HABP4: variants seen among roughly 807,000 people sequenced by gnomAD.
The protein encoded by HABP4 is hyaluronan binding protein 4.
Under a neutral mutation model 44.1 loss-of-function variants are expected in HABP4, and 32 were observed. That is an observed-to-expected ratio of 0.73 (90% confidence interval 0.55 to 0.97). The LOEUF is 0.97. Among genes scored for constraint, HABP4 ranks in the 50% least tolerant of loss-of-function variants. HABP4 has a pLI of 0.00. For synonymous variants in HABP4, 216 were observed against 218.0 expected, an observed-to-expected ratio of 0.99 and a Z score of 0.08; for missense variants, 503 against 561.9, an observed-to-expected ratio of 0.90 and a Z score of 1.06.
intron 1 of HABP4, chr9:96,451,537 T>A: frequency 1.1e-6 from 1 of 904,888 alleles, no homozygotes; most frequent in Non-Finnish European, 1.3e-6. Context: ...CCTGCCGACG[T>A]TTGCCAGTGT....
chr9:96,462,543 CAG>C (rs986429614), intron 2 of HABP4, among the ~76,000 whole-genome samples: 1 of 150,850 alleles, frequency 6.6e-6, no homozygotes, highest in Non-Finnish European at 1.5e-5. Context: ...ATCTGGGAGT[CAG>C]AGGCTGCAGT....
intron 1 of HABP4, among the ~76,000 whole-genome samples, chr9:96,453,214 G>A (rs1030867505): frequency 3.3e-5 from 5 of 150,244 alleles, no homozygotes; most frequent in Admixed American, 2.0e-4. Context: ...CTACAGGCAT[G>A]CGCCACCATG....
intron 1 of HABP4, among the ~76,000 whole-genome samples, chr9:96,452,421 TG>T (rs1252305030): frequency 5.3e-5 from 8 of 152,264 alleles, no homozygotes; most frequent in African/African-American, 1.9e-4. Context: ...TATACATAAA[TG>T]CACAGAGCTA....
chr9:96,481,514 A>AGGAG (rs2131154066), intron 5 of HABP4, among the ~76,000 whole-genome samples: 1 of 152,232 alleles, frequency 6.6e-6, no homozygotes, highest in South Asian at 2.1e-4. Context: ...AGGCAGAGGC[A>AGGAG]GGAGGATAGC....
At chr9:96,474,246 A>C (rs1832744143) in intron 5 of HABP4, among the ~76,000 whole-genome samples, 1 of 152,248 alleles carries the variant, frequency 6.6e-6, no homozygotes, top group Non-Finnish European at 1.5e-5. Flanking sequence ...ATGAATATTT[A>C]GACAGTGAGC....
rs1183053637 is a variant in HABP4 at position 96,490,841 on chromosome 9, G to T, written c.*803G>T. On this transcript the variant is annotated 3_prime_UTR_variant, in exon 8 of 8. Coordinates refer to ENST00000375249, the MANE Select transcript of HABP4 (RefSeq NM_014282.4). ...GCAGAACTAGAGTCAGAGTTCGGCA[G>T]CTGCGTACAAAGGCCTCTGCCCTCG... The T allele has an allele frequency of 6.6e-6, 1 of 152,250 alleles. No homozygotes were observed. The highest frequency in any genetic ancestry group is 2.4e-5 in the African/African-American group (1 of 41,472). 9.4% of individuals were successfully genotyped at this position (152,250 alleles called of 1,614,324 possible).
chr9:96,457,844 G>T (rs1291675557), intron 1 of HABP4, among the ~76,000 whole-genome samples: 1 of 152,140 alleles, frequency 6.6e-6, no homozygotes, highest in Non-Finnish European at 1.5e-5. Context: ...TGCACTTCGG[G>T]CTGGGTGACA....
At chr9:96,455,514 A>C (rs1213810358) in intron 1 of HABP4, among the ~76,000 whole-genome samples, 1 of 147,920 alleles carries the variant, frequency 6.8e-6, no homozygotes, top group African/African-American at 2.5e-5. Context: ...CTGTAATCCC[A>C]CTACTTTGGG....
Position 96,490,566 on chromosome 9 carries a change from C to T in HABP4, c.*528C>T. On this transcript the variant is annotated 3_prime_UTR_variant, in exon 8 of 8. Transcript: ENST00000375249. ...ATTTTGAGTTCTGGTTTTCACTTAA[C>T]CAATCATTTAAAAATCGCTATTGTG... 1 of 152,480 alleles carries T rather than the reference C, an allele frequency of 6.6e-6. No individual in the cohort carries two copies. Among genetic ancestry groups the T allele is most frequent in the Non-Finnish European group, 1.5e-5 (1 of 68,258 alleles). The allele number at this position is 152,480 out of a possible 1,614,324, so 9.4% of individuals were successfully genotyped here.
rs1401591722 is a variant in HABP4, at chr9:96,491,033, G to C, written c.*995G>C. On this transcript the variant is annotated 3_prime_UTR_variant, in exon 8 of 8. Transcript: ENST00000375249. ...AGTAATTCACCTGGAGTCCCACCCT[G>C]AACAGAGCTGGACCCAGAGCCACAC... 3 of 152,314 alleles carry C rather than the reference G, an allele frequency of 2.0e-5. No individual in the cohort carries two copies. Among genetic ancestry groups the C allele is most frequent in the Non-Finnish European group, 4.4e-5 (3 of 68,122 alleles). The allele number at this position is 152,314 out of a possible 1,614,324, so 9.4% of individuals were successfully genotyped here. A position where few individuals can be genotyped will look rare whatever the true frequency, so the allele number is the denominator to read the frequency against.
At chr9:96,468,208 G>A (rs539700397) in intron 4 of HABP4, among the ~76,000 whole-genome samples, 3 of 151,116 alleles carry the variant, frequency 2.0e-5, no homozygotes, top group East Asian at 2.0e-4. Context: ...TCAGCTTCCC[G>A]AGCAGCTAGG....
chr9:96,459,408 G>A (rs1396985290), intron 2 of HABP4, among the ~76,000 whole-genome samples: 3 of 152,154 alleles, frequency 2.0e-5, no homozygotes, highest in Non-Finnish European at 4.4e-5. Context: ...GTGGAGTGTT[G>A]CGTCGCTGCT....
At chr9:96,461,557 G>A (rs973738484) in intron 2 of HABP4, among the ~76,000 whole-genome samples, 2 of 152,102 alleles carry the variant, frequency 1.3e-5, no homozygotes, top group East Asian at 1.9e-4. Flanking sequence ...AGACATGCCC[G>A]TTAATCCCAG....
At chr9:96,472,431 C>T (rs1199492952) in intron 5 of HABP4, among the ~76,000 whole-genome samples, 1 of 152,156 alleles carries the variant, frequency 6.6e-6, no homozygotes, top group Admixed American at 6.5e-5. Flanking sequence ...TGCAACATTT[C>T]CTTCTATATC....
At chr9:96,456,808 T>A (rs1832400288) in intron 1 of HABP4, among the ~76,000 whole-genome samples, 1 of 119,310 alleles carries the variant, frequency 8.4e-6, no homozygotes, top group Non-Finnish European at 1.7e-5. Context: ...TATATATATA[T>A]ATATATATAT....
At chr9:96,453,472 A>G (rs1283343407) in intron 1 of HABP4, among the ~76,000 whole-genome samples, 1 of 149,464 alleles carries the variant, frequency 6.7e-6, no homozygotes, top group African/African-American at 2.4e-5. Context: ...CAGCCTCCCA[A>G]AGTGCTGGGA....
chr9:96,468,402 C>T (rs1297269094), intron 4 of HABP4, among the ~76,000 whole-genome samples: 5 of 152,056 alleles, frequency 3.3e-5, no homozygotes, highest in Admixed American at 6.6e-5. Flanking sequence ...GGACTACAGG[C>T]GCATGCAACC....
At chr9:96,457,673 G>A (rs1158280407) in intron 1 of HABP4, among the ~76,000 whole-genome samples, 1 of 152,166 alleles carries the variant, frequency 6.6e-6, no homozygotes, top group Non-Finnish European at 1.5e-5. Flanking sequence ...TTCGAGACCA[G>A]CCTGGCCAAC....
intron 4 of HABP4, among the ~76,000 whole-genome samples, chr9:96,468,062 T>C (rs1564163288): frequency 1.3e-5 from 2 of 152,260 alleles, no homozygotes; most frequent in East Asian, 1.9e-4. Flanking sequence ...TTGTGAGTTA[T>C]AAAGTCAAAG....
Sources: gnomAD v4.1 joint callset for allele counts (sites outside exome capture counted in the v4.1 genomes callset) on GRCh38, gnomAD v4.1.1 for gene constraint, MANE v1.5 for transcripts, NCBI Gene and HGNC (gene_info 2026-07-23, HGNC 2026-07-21) for gene names.